The following BTG2 variants were observed in gnomAD, a reference collection of about 807,000 sequenced individuals.
The protein encoded by BTG2 is protein BTG2.
A neutral mutation model predicts 13.1 loss-of-function variants in BTG2; 9 were observed. The ratio of observed to expected loss-of-function variants is 0.69; its 90% CI spans 0.41 to 1.20. The LOEUF (loss-of-function observed/expected upper bound fraction) is 1.20, where lower values mean the gene tolerates loss of function less well. Ranked by LOEUF, BTG2 falls within the 50% of genes most tolerant of loss-of-function variation. BTG2 has a pLI of 0.00. For synonymous variants in BTG2, 92 were observed against 88.6 expected, an observed-to-expected ratio of 1.04 and a Z score of -0.21; for missense variants, 200 against 209.5, an observed-to-expected ratio of 0.95 and a Z score of 0.28.
Position 203,305,521 on chromosome 1 carries a change from A to G in BTG2, c.-86A>G. ...CGCTGCCCGGGGAAAGTCCGGGCAG[A>G]GCCCGAGCAGCGGCCAGGGTAACGC... On this transcript the variant is annotated 5_prime_UTR_variant, in exon 1 of 2. Coordinates refer to ENST00000290551, the MANE Select transcript of BTG2 (RefSeq NM_006763.3). The G allele has an allele frequency of 1.4e-6, 2 of 1,470,374 alleles. No individual in the cohort carries two copies. The highest frequency in any genetic ancestry group is 1.8e-6 in the Non-Finnish European group (2 of 1,104,028). The allele number at this position is 1,470,374 out of a possible 1,614,324, so 91.1% of individuals were successfully genotyped here.
chr1:203,305,773 C>G (rs1368381744), intron 1 of BTG2, 25 bp downstream of exon 1: 1 of 1,536,014 alleles, frequency 6.5e-7, no homozygotes, highest in Admixed American at 2.0e-5. Context: ...AGGGGCCTGG[C>G]GCCACCGGGG....
chr1:203,305,660 C>A lies in BTG2; in HGVS notation c.54C>A (p.Gly18=). The A allele has an allele frequency of 1.3e-6, 2 of 1,579,784 alleles. No homozygotes were observed. The highest frequency in any genetic ancestry group is 1.7e-6 in the Non-Finnish European group (2 of 1,163,264). Reference sequence around the variant, plus strand: ...TCCCGGAGATCGCCGCCGCCGTGGGCTTCCTCTCCAGCCTCCTGAGGACCC... The same window carrying A: ...TCCCGGAGATCGCCGCCGCCGTGGGATTCCTCTCCAGCCTCCTGAGGACCC... ...DMLPEIAAAV[G]FLSSLLRTRG... Residue 18 remains glycine (G), a synonymous_variant, in exon 1 of 2, where the codon GGC becomes GGA. Transcript: ENST00000290551.
chr1:203,305,806 C>T (rs1395725288), intron 1 of BTG2, 58 bp downstream of exon 1: 2 of 1,515,848 alleles, frequency 1.3e-6, no homozygotes, highest in Admixed American at 2.3e-5. Context: ...CCTGCCAGGG[C>T]CGTCTTTCTT....
At chr1:203,306,822 T>A (rs6680831) in intron 1 of BTG2, among the ~76,000 whole-genome samples, 10,723 of 110,996 alleles carry the variant, frequency 0.097, 1,270 homozygotes, top group African/African-American at 0.31. Context: ...ACACACACAC[T>A]CTCTCTCTCA....
Position 203,307,365 on chromosome 1 carries a change from TCACCTG to T in BTG2, c.407_412del (p.Thr136_Cys137del). The T allele has an allele frequency of 6.2e-7, 1 of 1,612,962 alleles. No individual in the cohort carries two copies. Among genetic ancestry groups the T allele is most frequent in the Non-Finnish European group, 8.5e-7 (1 of 1,179,104 alleles). ...CCACTGGCCGCCTCCTGTGGGCTCC[TCACCTG>T]CAAGAACCAAGTGCTGCTGGGCCGG... On this transcript the variant is annotated inframe_deletion, in exon 2 of 2. Transcript: ENST00000290551.
chr1:203,305,808 G>C lies in BTG2; in HGVS notation c.142+60G>C. 3 of 1,508,678 alleles carry C rather than the reference G, an allele frequency of 2.0e-6. No homozygotes were observed. The South Asian group carries it at 3.7e-5, about 19-fold the overall frequency. The allele number at this position is 1,508,678 out of a possible 1,614,324, so 93.5% of individuals were successfully genotyped here. A position where few individuals can be genotyped will look rare whatever the true frequency, so the allele number is the denominator to read the frequency against. ...GGTCGGCCCCATCCCTGCCAGGGCCGTCTTTCTTCTACTCCTGCGGCAGGG... is the reference window on the plus strand; with the variant it reads ...GGTCGGCCCCATCCCTGCCAGGGCCCTCTTTCTTCTACTCCTGCGGCAGGG... On this transcript the variant is annotated intron_variant, in intron 1 of 1. Coordinates refer to ENST00000290551, the MANE Select transcript of BTG2 (RefSeq NM_006763.3).
chr1:203,306,675 T>C (rs2102285005), intron 1 of BTG2, among the ~76,000 whole-genome samples: 1 of 151,898 alleles, frequency 6.6e-6, no homozygotes, highest in South Asian at 2.1e-4. Flanking sequence ...AGCTCACAGG[T>C]CTCCAGAGGC....
At chr1:203,306,432 C>G (rs560298620) in intron 1 of BTG2, among the ~76,000 whole-genome samples, 2 of 152,236 alleles carry the variant, frequency 1.3e-5, no homozygotes, top group Non-Finnish European at 1.5e-5. Context: ...CTGTTTCTAG[C>G]TGGTTACTGT....
At chr1:203,307,013 C>T in intron 1 of BTG2, 91 bp from the exon 2 acceptor site, 1 of 1,137,424 alleles carries the variant, frequency 8.8e-7, no homozygotes, top group Non-Finnish European at 1.3e-6. Context: ...TTTCTCTCCT[C>T]CTGTCCCTTG....
At chr1:203,307,001 C>T (rs1658293898) in intron 1 of BTG2, 103 bp from the exon 2 acceptor site, 1 of 980,966 alleles carries the variant, frequency 1.0e-6, no homozygotes, top group African/African-American at 1.6e-5. Flanking sequence ...TTAAAGGGCC[C>T]CTTTCTCTCC....
At position 203,308,917 on chromosome 1, in the gene BTG2, G is replaced by T. The variant is rs1658332738; in HGVS notation, c.*1479G>T. On this transcript the variant is annotated 3_prime_UTR_variant, in exon 2 of 2. Coordinates refer to ENST00000290551, the MANE Select transcript of BTG2 (RefSeq NM_006763.3). ...TGATGAGGGGTCCTCAAAAGACCTC[G>T]AGTTTCCCAAACCGAATCACCTTAA... 1 of 152,588 alleles carries T rather than the reference G, an allele frequency of 6.6e-6. No individual in the cohort carries two copies. The highest frequency in any genetic ancestry group is 1.5e-5 in the Non-Finnish European group (1 of 68,036). The allele number at this position is 152,588 out of a possible 1,614,324, so 9.5% of individuals were successfully genotyped here. A position where few individuals can be genotyped will look rare whatever the true frequency, so the allele number is the denominator to read the frequency against.
intron 1 of BTG2, 140 bp downstream of exon 1, chr1:203,305,888 G>A: frequency 8.2e-7 from 1 of 1,225,336 alleles, no homozygotes; most frequent in Non-Finnish European, 1.1e-6. Context: ...CCCCGGGGCG[G>A]CCCGCAGTCC....
Position 203,305,741 on chromosome 1 carries a change from A to C in BTG2, c.135A>C (p.Ala45=), listed in dbSNP as rs765600993. The C allele has an allele frequency of 2.6e-6, 4 of 1,547,636 alleles. No homozygotes were observed. The South Asian group carries it at 4.8e-5, about 19-fold the overall frequency. Residue 45 remains alanine (A), a synonymous_variant, in exon 1 of 2, where the codon GCA becomes GCC. Transcript: ENST00000290551. ...TCTTCAGCGGGGCGCTCCAGGAGGC[A>C]CTCACAGGTGAGCGCATGCCGAGGG... The part of the protein sequence containing the change: ...LKVFSGALQE[A]LTEHYKHHWF...
chr1:203,308,049 T>A lies in BTG2; in HGVS notation c.*611T>A. On this transcript the variant is annotated 3_prime_UTR_variant, in exon 2 of 2. Transcript: ENST00000290551. Reference sequence around the variant, plus strand: ...TTTTCTTGAAATCATGACTTGTTTCTAATTCTACCCTCAGGGGCCTGTAGA... The same window carrying A: ...TTTTCTTGAAATCATGACTTGTTTCAAATTCTACCCTCAGGGGCCTGTAGA... 6.6e-6 allele frequency: 1 copy of A among 152,660 alleles called. No individual in the cohort carries two copies. Among genetic ancestry groups the A allele is most frequent in the East Asian group, 1.9e-4 (1 of 5,202 alleles). The allele number at this position is 152,660 out of a possible 1,614,324, so 9.5% of individuals were successfully genotyped here. A position where few individuals can be genotyped will look rare whatever the true frequency, so the allele number is the denominator to read the frequency against.
Position 203,307,255 on chromosome 1 carries a change from C to T in BTG2, c.294C>T (p.Ser98=). Residue 98 remains serine, a synonymous_variant, in exon 2 of 2, where the codon AGC becomes AGT. Coordinates refer to ENST00000290551, the MANE Select transcript of BTG2 (RefSeq NM_006763.3). ...SQPQLHQLLP[S]ELTLWVDPYE... is the part of the protein sequence containing the mutation. Reference sequence around the variant, plus strand: ...CCCAGCTGCACCAGCTGCTGCCCAGCGAGCTGACCCTGTGGGTGGACCCCT... The same window carrying T: ...CCCAGCTGCACCAGCTGCTGCCCAGTGAGCTGACCCTGTGGGTGGACCCCT... 2.5e-6 allele frequency: 4 copies of T among 1,614,228 alleles called. No individual in the cohort carries two copies. The highest frequency in any genetic ancestry group is 2.5e-6 in the Non-Finnish European group (3 of 1,180,052).
In BTG2 at chr1:203,307,396, G is replaced by C; in HGVS notation, c.435G>C (p.Arg145=). 6.2e-7 allele frequency: 1 copy of C among 1,604,472 alleles called. No individual in the cohort carries two copies. Among genetic ancestry groups the C allele is most frequent in the Non-Finnish European group, 8.5e-7 (1 of 1,172,652 alleles). The change falls in exon 2 of 2, where the codon CGG becomes CGC. Residue 145 remains arginine, a synonymous_variant. Transcript: ENST00000290551. ...GCAAGAACCAAGTGCTGCTGGGCCG[G>C]AGCAGCCCCTCCAAGAACTACGTGA... ...LTCKNQVLLG[R]SSPSKNYVMA...
rs1402149577 is a variant in BTG2 at position 203,305,713 on chromosome 1, A to G, written c.107A>G (p.Lys36Arg). The G allele has an allele frequency of 6.4e-7, 1 of 1,552,808 alleles. No individual in the cohort carries two copies. The highest frequency in any genetic ancestry group is 8.7e-7 in the Non-Finnish European group (1 of 1,147,848). Residue 36 changes from lysine to arginine, a missense_variant, in exon 1 of 2, where the codon AAG becomes AGG. Lys to Arg is a conservative substitution (Grantham distance 26, BLOSUM62 2). Coordinates refer to ENST00000290551, the MANE Select transcript of BTG2 (RefSeq NM_006763.3). ...TRGCVSEQRL[K>R]VFSGALQEAL... is the part of the protein sequence containing the mutation. ...GGCTGCGTGAGCGAGCAGAGGCTTA[A>G]GGTCTTCAGCGGGGCGCTCCAGGAG...
At chr1:203,306,815 C>T (rs2102285129) in intron 1 of BTG2, among the ~76,000 whole-genome samples, 1 of 136,166 alleles carries the variant, frequency 7.3e-6, no homozygotes, top group South Asian at 2.4e-4. Flanking sequence ...CACACACACA[C>T]ACACACTCTC....
chr1:203,305,884 G>A, intron 1 of BTG2, 136 bp downstream of exon 1: 3 of 1,269,272 alleles, frequency 2.4e-6, no homozygotes, highest in Non-Finnish European at 3.2e-6. Flanking sequence ...CGACCCCCGG[G>A]GCGGCCCGCA....
Sources: allele counts gnomAD v4.1 joint callset (sites outside exome capture counted in the v4.1 genomes callset), GRCh38; gene constraint gnomAD v4.1.1; transcripts MANE v1.5; gene names NCBI Gene and HGNC (gene_info 2026-07-23, HGNC 2026-07-21).